Variants in PTPRT observed in about 807,000 individuals in gnomAD.
PTPRT encodes the protein receptor-type tyrosine-protein phosphatase T.
In PTPRT, 56 loss-of-function variants were observed where a neutral mutation model predicts 176.8. The ratio of observed to expected loss-of-function variants is 0.32; its 90% CI spans 0.26 to 0.40. The LOEUF (loss-of-function observed/expected upper bound fraction) is 0.40, where lower values mean the gene tolerates loss of function less well. Ranked by LOEUF, PTPRT falls within the 10% of genes least tolerant of loss-of-function variation. The pLI is 1.00. For synonymous variants in PTPRT, 783 were observed against 739.0 expected, an observed-to-expected ratio of 1.06 and a Z score of -0.96; for missense variants, 1,540 against 1,908.2, an observed-to-expected ratio of 0.81 and a Z score of 3.60.
chr20:43,127,250 T>C (rs529427036), intron 1 of PTPRT, among the ~76,000 whole-genome samples: 401 of 151,710 alleles, frequency 2.6e-3, no homozygotes, highest in East Asian at 7.4e-3. Flanking sequence ...GGTGAAACCC[T>C]ATCTCTACTA....
intron 1 of PTPRT, among the ~76,000 whole-genome samples, chr20:42,891,027 G>A (rs2079183335): frequency 6.6e-6 from 1 of 152,162 alleles, no homozygotes; most frequent in Non-Finnish European, 1.5e-5. Context: ...CCATGATTGT[G>A]CCGCCTCCCC....
intron 7 of PTPRT, among the ~76,000 whole-genome samples, chr20:42,593,540 T>C (rs1437380954): frequency 1.3e-5 from 2 of 152,190 alleles, no homozygotes; most frequent in Non-Finnish European, 2.9e-5. Context: ...ATCTAATCTG[T>C]TAAAACCAGA....
chr20:42,123,968 C>T (rs1279683178), intron 19 of PTPRT, among the ~76,000 whole-genome samples: 2 of 152,184 alleles, frequency 1.3e-5, no homozygotes, highest in Non-Finnish European at 2.9e-5. Flanking sequence ...TGGCCATGTC[C>T]CCAGCACCTA....
At chr20:42,356,689 T>C (rs879415621) in intron 9 of PTPRT, among the ~76,000 whole-genome samples, 2 of 151,934 alleles carry the variant, frequency 1.3e-5, no homozygotes, top group Non-Finnish European at 2.9e-5. Flanking sequence ...AGAGTGAAAC[T>C]CCCTCTCAAC....
intron 7 of PTPRT, among the ~76,000 whole-genome samples, chr20:42,541,317 A>C (rs779203666): frequency 5.4e-5 from 8 of 148,846 alleles, no homozygotes; most frequent in Non-Finnish European, 8.8e-5. Flanking sequence ...GGGGTAGATT[A>C]GCTATCTATG....
chr20:42,288,790 A>G (rs2057273997), intron 12 of PTPRT, among the ~76,000 whole-genome samples: 1 of 151,922 alleles, frequency 6.6e-6, no homozygotes, highest in African/African-American at 2.4e-5. Flanking sequence ...GGTTGATTCC[A>G]TGTCTTTGCT....
At chr20:42,698,382 G>T (rs1292818378) in intron 6 of PTPRT, among the ~76,000 whole-genome samples, 3 of 152,162 alleles carry the variant, frequency 2.0e-5, no homozygotes, top group African/African-American at 7.2e-5. Context: ...GGACCCCTCT[G>T]AAAGGACTAA....
rs545197394 is a variant in PTPRT, at chr20:43,060,112, T to C, written c.88+129534A>G. Among the ~76,000 whole-genome samples, 4 of 152,314 alleles carry C rather than the reference T, an allele frequency of 2.6e-5. No individual in the cohort carries two copies. The South Asian group carries it at 8.3e-4, about 32-fold the overall frequency. On this transcript the variant is annotated intron_variant, in intron 1 of 30. Transcript: ENST00000373187. Reference sequence around the variant, plus strand: ...AGCCTCATTATCCAGTTCCAAAGCCTGTTCCACATTTTCAGGTGTTTGGCA... The same window carrying C: ...AGCCTCATTATCCAGTTCCAAAGCCCGTTCCACATTTTCAGGTGTTTGGCA...
At chr20:42,972,158 C>T (rs76602420) in intron 1 of PTPRT, among the ~76,000 whole-genome samples, 3,305 of 143,930 alleles carry the variant, frequency 0.023, 101 homozygotes, top group African/African-American at 0.065. Flanking sequence ...CTCCCCTCCC[C>T]AACCCCATTT....
At chr20:43,088,305 T>C (rs1021637594) in intron 1 of PTPRT, among the ~76,000 whole-genome samples, 2 of 151,208 alleles carry the variant, frequency 1.3e-5, no homozygotes, top group South Asian at 2.1e-4. Context: ...CAAAATGTTA[T>C]ATTGTGTTAG....
intron 1 of PTPRT, among the ~76,000 whole-genome samples, chr20:43,174,088 C>T (rs17751081): frequency 0.043 from 6,487 of 152,274 alleles, 191 homozygotes; most frequent in Non-Finnish European, 0.066. Flanking sequence ...TGAACAAAGG[C>T]TTTCCACCCA....
chr20:42,088,185 T>A (rs1984208961), intron 27 of PTPRT, among the ~76,000 whole-genome samples: 1 of 152,176 alleles, frequency 6.6e-6, no homozygotes, highest in Non-Finnish European at 1.5e-5. Context: ...AGACCCTTCA[T>A]CTGGGGGTTA....
At chr20:42,960,897 T>TTA (rs1981948084) in intron 1 of PTPRT, among the ~76,000 whole-genome samples, 1 of 152,188 alleles carries the variant, frequency 6.6e-6, no homozygotes, top group East Asian at 1.9e-4. Flanking sequence ...AATGAAAAAC[T>TTA]ATAACCAATA....
chr20:42,319,174 C>T (rs762396600), intron 11 of PTPRT, among the ~76,000 whole-genome samples: 1 of 152,102 alleles, frequency 6.6e-6, no homozygotes, highest in African/African-American at 2.4e-5. Flanking sequence ...CATGAGGAGG[C>T]TGAGGCCGAG....
chr20:42,863,631 G>C (rs1234404056), intron 2 of PTPRT, among the ~76,000 whole-genome samples: 1 of 152,136 alleles, frequency 6.6e-6, no homozygotes, highest in Non-Finnish European at 1.5e-5. Context: ...TAAAGTAGTG[G>C]ACATGTCAGT....
At chr20:42,236,324 A>C in intron 14 of PTPRT, 66 bp from the exon 15 acceptor site, 1 of 1,278,370 alleles carries the variant, frequency 7.8e-7, no homozygotes, top group Non-Finnish European at 1.1e-6. Flanking sequence ...AAGACAAACA[A>C]ACAAGAATTA....
At chr20:43,025,875 C>A (rs1985888718) in intron 1 of PTPRT, among the ~76,000 whole-genome samples, 2 of 152,042 alleles carry the variant, frequency 1.3e-5, no homozygotes, top group Admixed American at 1.3e-4. Context: ...CTCTCTGGCA[C>A]CCTTGCTTAG....
intron 1 of PTPRT, among the ~76,000 whole-genome samples, chr20:43,157,322 C>T (rs2014551897): frequency 6.6e-6 from 1 of 152,102 alleles, no homozygotes; most frequent in Non-Finnish European, 1.5e-5. Flanking sequence ...CCTGATGATG[C>T]CACTGCACTC....
intron 9 of PTPRT, among the ~76,000 whole-genome samples, chr20:42,439,625 G>A (rs1308868121): frequency 6.6e-6 from 1 of 152,112 alleles, no homozygotes; most frequent in East Asian, 1.9e-4. Context: ...ATCAAGACTG[G>A]GTTTATTTAG....
Sources: gnomAD v4.1 joint callset for allele counts (sites outside exome capture counted in the v4.1 genomes callset) on GRCh38, gnomAD v4.1.1 for gene constraint, MANE v1.5 for transcripts, NCBI Gene and HGNC (gene_info 2026-07-23, HGNC 2026-07-21) for gene names.